Variants in DCHS2 observed in about 807,000 individuals in gnomAD.
DCHS2 encodes dachsous cadherin-related 2, also known as protocadherin-23.
Under a neutral mutation model 182.4 loss-of-function variants are expected in DCHS2, and 142 were observed. The observed-to-expected ratio is 0.78, with a 90% CI of 0.68 to 0.89. The LOEUF (loss-of-function observed/expected upper bound fraction) is 0.89. Among genes scored for constraint, DCHS2 ranks in the 40% least tolerant of loss-of-function variants. The probability of loss-of-function intolerance (pLI) is 0.00; values close to 1 mark genes in which losing one functional copy is unlikely to be tolerated. For synonymous variants in DCHS2, 1,740 were observed against 1,663.3 expected (o/e 1.05, Z -1.12); for missense variants, 4,319 against 4,198.6 (o/e 1.03, Z -0.79).
intron 1 of DCHS2, among the ~76,000 whole-genome samples, chr4:154,434,752 A>T (rs1045232738): frequency 9.9e-5 from 15 of 152,224 alleles, no homozygotes; most frequent in African/African-American, 3.6e-4. Context: ...TTCTGATATG[A>T]TGTGATGAAA....
At chr4:154,350,034 C>G (rs1729533989) in intron 3 of DCHS2, among the ~76,000 whole-genome samples, 1 of 152,156 alleles carries the variant, frequency 6.6e-6, no homozygotes. Context: ...GCTGCTCCAC[C>G]TACTGGTGTT....
chr4:154,239,039 C>G (rs1321992263), intron 19 of DCHS2, 131 bp downstream of exon 19: 2 of 1,222,102 alleles, frequency 1.6e-6, no homozygotes, highest in South Asian at 1.7e-5. Context: ...AGTAATGAAA[C>G]AGTCGTGCTT....
intron 1 of DCHS2, among the ~76,000 whole-genome samples, chr4:154,487,553 C>T (rs1728629157): frequency 6.6e-6 from 1 of 152,200 alleles, no homozygotes; most frequent in Admixed American, 6.5e-5. Context: ...CTGGCAATCA[C>T]TCTAAAGAAA....
chr4:154,345,459 G>A lies in DCHS2; in HGVS notation c.2477-10355C>T, dbSNP rs141632345. On this transcript the variant is annotated intron_variant, in intron 3 of 19. Coordinates refer to ENST00000357232, the MANE Select transcript of DCHS2 (RefSeq NM_001358235.2). ...ATGTAATAATCACTATGGCTTGAAG[G>A]GATGTGATGTTTGACCAACGTCACC... Among the ~76,000 whole-genome samples, 1,019 of 152,322 alleles carry A rather than the reference G, an allele frequency of 6.7e-3. 14 individuals carry two copies. The highest frequency in any genetic ancestry group is 0.023 in the African/African-American group (974 of 41,560).
At chr4:154,416,787 C>G (rs1732849602) in intron 1 of DCHS2, among the ~76,000 whole-genome samples, 1 of 152,192 alleles carries the variant, frequency 6.6e-6, no homozygotes, top group South Asian at 2.1e-4. Flanking sequence ...GAGCTGGCGG[C>G]GCCAGGCAGG....
chr4:154,264,672 C>A (rs78508635), intron 14 of DCHS2, among the ~76,000 whole-genome samples: 4 of 152,088 alleles, frequency 2.6e-5, no homozygotes, highest in African/African-American at 4.8e-5. Context: ...TCTAGAATTA[C>A]AAGACCAGCA....
intron 1 of DCHS2, among the ~76,000 whole-genome samples, chr4:154,457,476 C>A (rs1421020839): frequency 1.3e-5 from 2 of 152,186 alleles, no homozygotes; most frequent in Admixed American, 6.5e-5. Flanking sequence ...TCACTATGGC[C>A]TTAATGCTTC....
intron 1 of DCHS2, among the ~76,000 whole-genome samples, chr4:154,459,647 T>G (rs1734923574): frequency 6.6e-6 from 1 of 151,790 alleles, no homozygotes; most frequent in Non-Finnish European, 1.5e-5. Flanking sequence ...ATTTACATAA[T>G]GGGATGTGGC....
intron 3 of DCHS2, among the ~76,000 whole-genome samples, chr4:154,353,702 C>T (rs1729724918): frequency 6.6e-6 from 1 of 152,184 alleles, no homozygotes; most frequent in Non-Finnish European, 1.5e-5. Flanking sequence ...CTAAGCATTC[C>T]TCTAGCGAAG....
chr4:154,489,269 G>A, intron 1 of DCHS2, 35 bp downstream of exon 1: 1 of 1,449,698 alleles, frequency 6.9e-7, no homozygotes, highest in East Asian at 2.5e-5. Context: ...CCCTTCCCAA[G>A]CCTTCAGGTT....
intron 4 of DCHS2, chr4:154,334,246 G>T (rs939055600): frequency 1.3e-5 from 2 of 153,194 alleles, no homozygotes; most frequent in African/African-American, 4.8e-5. Context: ...AACAGGAGGG[G>T]ACTAGGAGGA....
chr4:154,236,436 G>C lies in DCHS2; in HGVS notation c.8216C>G (p.Thr2739Ser). The change falls in exon 20 of 20, where the codon ACT (threonine) becomes AGT (serine). Residue 2739 changes from threonine (T) to serine (S), a missense_variant. Transcript: ENST00000357232. ...DYEKMTKFTLTVQASDAEKKH... is the reference protein window; with the variant it reads ...DYEKMTKFTLSVQASDAEKKH... Reference sequence around the variant, plus strand: ...CTTTTCTGCATCTGAAGCTTGGACAGTTAAGGTGAATTTTGTCATTTTTTC... The same window carrying C: ...CTTTTCTGCATCTGAAGCTTGGACACTTAAGGTGAATTTTGTCATTTTTTC... 6.2e-7 allele frequency: 1 copy of C among 1,614,040 alleles called. No individual in the cohort carries two copies. The highest frequency in any genetic ancestry group is 8.5e-7 in the Non-Finnish European group (1 of 1,179,958).
rs537443022 is a variant in DCHS2, at chr4:154,320,839, C to T, written c.4560G>A (p.Glu1520=). ...FQDELIVISV[E]ENVPIGTLVY... is the part of the protein sequence containing the mutation. ...CCAGGGTTCCTATGGGAACATTCTC[C>T]TCTACACTGATCACAATGAGCTCAT... The change falls in exon 9 of 20, where the codon GAG becomes GAA. Residue 1520 remains glutamate (E), a synonymous_variant. Coordinates refer to ENST00000357232, the MANE Select transcript of DCHS2 (RefSeq NM_001358235.2). The T allele has an allele frequency of 3.1e-6, 5 of 1,614,052 alleles. No homozygotes were observed. In the South Asian group the frequency reaches 4.4e-5, roughly 14 times the overall value.
In DCHS2 at chr4:154,304,873, C is replaced by T. The variant is rs1246174420; in HGVS notation, c.5401G>A (p.Val1801Ile). Residue 1801 changes from valine (V) to isoleucine (I), a missense_variant, in exon 12 of 20, where the codon GTA becomes ATA. By Grantham distance (29) the Val-to-Ile change is conservative. Coordinates refer to ENST00000357232, the MANE Select transcript of DCHS2 (RefSeq NM_001358235.2). ...IQEVFTLRVL[V>I]RDGGFPSLSS... ...AATGAAGGGAATCCCCCATCTCGTA[C>T]TAGTACTGACACAGAACACAAAGAC... 1.9e-6 allele frequency: 3 copies of T among 1,608,110 alleles called. No homozygotes were observed. In the South Asian group the frequency reaches 3.3e-5, roughly 18 times the overall value.
chr4:154,262,801 G>A (rs1266300954), intron 14 of DCHS2, among the ~76,000 whole-genome samples: 1 of 152,202 alleles, frequency 6.6e-6, no homozygotes, highest in African/African-American at 2.4e-5. Context: ...AACATTGAAA[G>A]TTTGATCAGT....
chr4:154,338,978 GAGAT>G (rs1213656878), intron 3 of DCHS2, among the ~76,000 whole-genome samples: 2 of 152,112 alleles, frequency 1.3e-5, no homozygotes, highest in Non-Finnish European at 1.5e-5. Flanking sequence ...TCTACATATA[GAGAT>G]AGATAGATAG....
chr4:154,236,187 T>C lies in DCHS2; in HGVS notation c.8465A>G (p.His2822Arg), dbSNP rs765579760. The C allele has an allele frequency of 2.5e-6, 4 of 1,613,802 alleles. No homozygotes were observed. Among genetic ancestry groups the C allele is most frequent in the Admixed American group, 3.3e-5 (2 of 59,992 alleles). ...CAAAGGGTCAATGAGGAAGAGATCA[T>C]GATCATAAGACATTCCATGAGTGAG... ...CFLTHGMSYD[H>R]DLFLIDPLTG... The change falls in exon 20 of 20, where the codon CAT becomes CGT. Residue 2822 changes from histidine to arginine, a missense_variant. Coordinates refer to ENST00000357232, the MANE Select transcript of DCHS2 (RefSeq NM_001358235.2).
At chr4:154,439,441 C>A (rs10014635) in intron 1 of DCHS2, among the ~76,000 whole-genome samples, 70,509 of 151,642 alleles carry the variant, frequency 0.46, 16,804 homozygotes, top group Middle Eastern at 0.68. Flanking sequence ...TTATGAAATA[C>A]TTGTTTTTTA....
chr4:154,290,976 G>T (rs1014948384), intron 13 of DCHS2, among the ~76,000 whole-genome samples: 4 of 152,004 alleles, frequency 2.6e-5, no homozygotes, highest in South Asian at 2.1e-4. Context: ...CATTGCAAAG[G>T]AAAGAATCAG....
Sources: allele counts gnomAD v4.1 joint callset (sites outside exome capture counted in the v4.1 genomes callset), GRCh38; gene constraint gnomAD v4.1.1; transcripts MANE v1.5; gene names NCBI Gene and HGNC (gene_info 2026-07-23, HGNC 2026-07-21).